The following LRRC74A variants were observed in gnomAD, a reference collection of about 807,000 sequenced individuals.
LRRC74A encodes the protein leucine rich repeat containing 74A, also known as leucine-rich repeat-containing protein 74A.
In LRRC74A, 44 loss-of-function variants were observed where a neutral mutation model predicts 57.9. That is an observed-to-expected ratio of 0.76 (90% CI 0.60 to 0.98). The LOEUF is 0.98. Among genes scored for constraint, LRRC74A ranks in the 50% least tolerant of loss-of-function variants. LRRC74A has a pLI of 0.00. For synonymous variants in LRRC74A, 211 were observed against 219.4 expected (o/e 0.96, Z 0.34); for missense variants, 572 against 574.0 (o/e 1.00, Z 0.04).
chr14:76,866,979 G>A, intron 12 of LRRC74A, among the ~76,000 whole-genome samples: 1 of 40,286 alleles, frequency 2.5e-5, no homozygotes, highest in East Asian at 7.4e-4. Flanking sequence ...TGTGTGTTGG[G>A]GGGGTGGGGT....
intron 11 of LRRC74A, among the ~76,000 whole-genome samples, chr14:76,862,072 G>A (rs1003310790): frequency 6.6e-6 from 1 of 152,256 alleles, no homozygotes; most frequent in Non-Finnish European, 1.5e-5. Flanking sequence ...AACAGGAATG[G>A]AGCTGTCTGA....
rs965075033 is a variant in LRRC74A at position 76,860,561 on chromosome 14, C to G, written c.1054-132C>G. ...TACCCGAACTATCCCAGTCCAGGAG[C>G]AGCACTGAGAACAAACTGGAAGAGA... On this transcript the variant is annotated intron_variant, in intron 10 of 13. Transcript: ENST00000689127. The G allele has an allele frequency of 7.6e-6, 6 of 791,392 alleles. No homozygotes were observed. The African/African-American group carries it at 1.1e-4, about 14-fold the overall frequency. 49.0% of individuals were successfully genotyped at this position (791,392 alleles called of 1,614,324 possible).
At chr14:76,850,294 T>C (rs1897365784) in intron 7 of LRRC74A, among the ~76,000 whole-genome samples, 1 of 152,198 alleles carries the variant, frequency 6.6e-6, no homozygotes, top group South Asian at 2.1e-4. Flanking sequence ...ATAAGTAACC[T>C]GCCTGGGATC....
At chr14:76,846,637 TG>T (rs932178683) in intron 7 of LRRC74A, among the ~76,000 whole-genome samples, 5 of 151,990 alleles carry the variant, frequency 3.3e-5, no homozygotes, top group Non-Finnish European at 5.9e-5. Flanking sequence ...GAATATACTT[TG>T]GGGGTAAAGC....
intron 10 of LRRC74A, 88 bp from the exon 11 acceptor site, chr14:76,860,605 G>A: frequency 7.7e-7 from 1 of 1,298,582 alleles, no homozygotes; most frequent in Non-Finnish European, 1.0e-6. Flanking sequence ...CCTGACTTTG[G>A]CTTGGGTGGA....
intron 2 of LRRC74A, among the ~76,000 whole-genome samples, chr14:76,829,880 A>G (rs535828150): frequency 1.3e-5 from 2 of 152,232 alleles, no homozygotes; most frequent in East Asian, 3.9e-4. Context: ...AGTCTAGAGA[A>G]AAGGGGGAGA....
At chr14:76,850,164 C>CAT (rs1897353740) in intron 7 of LRRC74A, among the ~76,000 whole-genome samples, 1 of 149,944 alleles carries the variant, frequency 6.7e-6, no homozygotes, top group African/African-American at 2.5e-5. Flanking sequence ...GCGGAGATTG[C>CAT]GCCACTGCAC....
chr14:76,857,509 G>C (rs1218086956), intron 10 of LRRC74A, 34 bp downstream of exon 10: 2 of 1,440,448 alleles, frequency 1.4e-6, no homozygotes, highest in African/African-American at 1.4e-5. Context: ...TTGCGTCTGG[G>C]CACAAGCCAG....
chr14:76,831,463 T>C (rs370416645), intron 3 of LRRC74A, 88 bp downstream of exon 3: 1 of 1,441,258 alleles, frequency 6.9e-7, no homozygotes, highest in African/African-American at 1.4e-5. Context: ...GCCCCTCCTA[T>C]GGAGCCTAAA....
intron 9 of LRRC74A, among the ~76,000 whole-genome samples, chr14:76,855,322 A>C (rs181626003): frequency 9.8e-5 from 15 of 152,358 alleles, no homozygotes; most frequent in Admixed American, 2.6e-4. Context: ...TGGCTGAGGA[A>C]GCCAGGGACA....
chr14:76,834,353 G>A (rs146688479), intron 3 of LRRC74A, among the ~76,000 whole-genome samples: 4 of 152,298 alleles, frequency 2.6e-5, no homozygotes, highest in African/African-American at 7.2e-5. Context: ...CACTTGTTTC[G>A]TAGTAACAGC....
chr14:76,860,192 CA>C (rs1898194302), intron 10 of LRRC74A, among the ~76,000 whole-genome samples: 1 of 152,198 alleles, frequency 6.6e-6, no homozygotes, highest in Admixed American at 6.5e-5. Context: ...CAGGTTTGAT[CA>C]AACACTATTT....
chr14:76,835,455 C>T (rs957290005), intron 3 of LRRC74A, among the ~76,000 whole-genome samples: 3 of 148,966 alleles, frequency 2.0e-5, no homozygotes, highest in African/African-American at 7.5e-5. Context: ...CCACTGCACT[C>T]CATCCTGGGC....
chr14:76,840,890 G>A (rs1000563999), intron 5 of LRRC74A, among the ~76,000 whole-genome samples: 1 of 151,740 alleles, frequency 6.6e-6, no homozygotes, highest in Admixed American at 6.6e-5. Context: ...GCCTATTTAT[G>A]TATTTCTATG....
chr14:76,846,521 A>G (rs1246401963), intron 7 of LRRC74A, among the ~76,000 whole-genome samples: 5 of 152,232 alleles, frequency 3.3e-5, no homozygotes, highest in African/African-American at 1.2e-4. Context: ...AGTCATCCCC[A>G]GGCAAATGAG....
chr14:76,867,911 T>C (rs1899075876), intron 13 of LRRC74A, among the ~76,000 whole-genome samples: 1 of 152,202 alleles, frequency 6.6e-6, no homozygotes, highest in Admixed American at 6.5e-5. Context: ...AACGGTGTGT[T>C]AGGGACTACA....
At chr14:76,844,933 G>A (rs779283842) in intron 7 of LRRC74A, 32 bp downstream of exon 7, 1 of 1,081,250 alleles carries the variant, frequency 9.2e-7, no homozygotes, top group Non-Finnish European at 1.4e-6. Flanking sequence ...GACAGCAAAG[G>A]GGAGGGATAG....
chr14:76,863,683 T>C (rs1898511718), intron 11 of LRRC74A, among the ~76,000 whole-genome samples: 1 of 152,152 alleles, frequency 6.6e-6, no homozygotes, highest in Non-Finnish European at 1.5e-5. Flanking sequence ...TGGGCAAGGT[T>C]CTTAGTTGCT....
At chr14:76,866,488 G>A (rs1898805743) in intron 12 of LRRC74A, among the ~76,000 whole-genome samples, 1 of 152,106 alleles carries the variant, frequency 6.6e-6, no homozygotes, top group Non-Finnish European at 1.5e-5. Flanking sequence ...TGTAATAAAG[G>A]TACTGAAAGC....
Sources: allele counts gnomAD v4.1 joint callset (sites outside exome capture counted in the v4.1 genomes callset), GRCh38; gene constraint gnomAD v4.1.1; transcripts MANE v1.5; gene names NCBI Gene and HGNC (gene_info 2026-07-23, HGNC 2026-07-21).